Variants in ADGRV1 observed in about 807,000 individuals in gnomAD.
ADGRV1 encodes the protein G-protein coupled receptor 98.
Under a neutral mutation model 596.2 loss-of-function variants are expected in ADGRV1, and 359 were observed. That is an observed-to-expected ratio of 0.60 (90% CI 0.55 to 0.66). The LOEUF is 0.66. Ranked by LOEUF, ADGRV1 falls within the 30% of genes least tolerant of loss-of-function variation. The pLI is 0.00. For missense variants in ADGRV1, 7,274 were observed against 7,575.6 expected (o/e 0.96, Z 1.48); for synonymous variants, 2,681 against 2,679.2 (o/e 1.00, Z -0.02).
rs200119556 is a variant in ADGRV1, at chr5:90,704,363, G to A, written c.8287-26G>A. On this transcript the variant is annotated intron_variant, in intron 35 of 89. Coordinates refer to ENST00000405460, the MANE Select transcript of ADGRV1 (RefSeq NM_032119.4). ...AGTTCATATTCAATAACGACAGCGG[G>A]ATTGATTTCTTTCTGTATGACATAG... The A allele has an allele frequency of 7.4e-6, 10 of 1,358,062 alleles. No individual in the cohort carries two copies. The African/African-American group carries it at 1.0e-4, about 14-fold the overall frequency. 84.1% of individuals were successfully genotyped at this position (1,358,062 alleles called of 1,614,324 possible).
chr5:90,622,004 G>C (rs1199270077), intron 4 of ADGRV1, among the ~76,000 whole-genome samples: 2 of 152,128 alleles, frequency 1.3e-5, no homozygotes, highest in African/African-American at 4.8e-5. Context: ...CTGAGAGCTG[G>C]CAGCTGCTTC....
chr5:91,134,279 C>T (rs1283687812), intron 87 of ADGRV1, among the ~76,000 whole-genome samples: 1 of 151,998 alleles, frequency 6.6e-6, no homozygotes, highest in Non-Finnish European at 1.5e-5. Flanking sequence ...CCTCAACCTC[C>T]CACGCTCAAG....
At chr5:90,587,644 C>T (rs942237437) in intron 1 of ADGRV1, among the ~76,000 whole-genome samples, 3 of 151,082 alleles carry the variant, frequency 2.0e-5, no homozygotes, top group Admixed American at 2.0e-4. Context: ...GCAACCTCTG[C>T]CTCCCAGGTT....
chr5:90,981,084 A>G (rs1780040209), intron 84 of ADGRV1, among the ~76,000 whole-genome samples: 1 of 152,136 alleles, frequency 6.6e-6, no homozygotes, highest in African/African-American at 2.4e-5. Flanking sequence ...TCCTGATAAC[A>G]TGTACCCAAA....
chr5:90,617,971 CCTTATAAAAATTATAAGGAGGA>C lies in ADGRV1; in HGVS notation c.357+28_357+49del. 1 of 1,518,946 alleles carries C rather than the reference CCTTATAAAAATTATAAGGAGGA, an allele frequency of 6.6e-7. No homozygotes were observed. The highest frequency in any genetic ancestry group is 8.8e-7 in the Non-Finnish European group (1 of 1,131,108). The allele number at this position is 1,518,946 out of a possible 1,614,324, so 94.1% of individuals were successfully genotyped here. On this transcript the variant is annotated intron_variant, in intron 3 of 89. Coordinates refer to ENST00000405460, the MANE Select transcript of ADGRV1 (RefSeq NM_032119.4). ...CATTACAGGTAAGTCCGTGTTTCCT[CCTTATAAAAATTATAAGGAGGA>C]CTTATAAAACTTATAAAAATCTTTT...
intron 87 of ADGRV1, among the ~76,000 whole-genome samples, chr5:91,126,271 A>G (rs544242136): frequency 2.9e-4 from 44 of 152,350 alleles, no homozygotes; most frequent in African/African-American, 1.1e-3. Flanking sequence ...AATGTAGGGA[A>G]ATCTCTTTAG....
intron 1 of ADGRV1, among the ~76,000 whole-genome samples, chr5:90,596,785 AGAGGGAGAGGGAGACCATGGGGAGAGGGC>A (rs1760715146): frequency 1.3e-5 from 2 of 152,026 alleles, no homozygotes; most frequent in Non-Finnish European, 2.9e-5. Context: ...CCGTGGAAAG[AGAGGGAGAGGGAGACCATGGGGAGAGGGC>A]GAGGGCGAGG....
chr5:90,935,833 G>A (rs1403009109), intron 83 of ADGRV1, among the ~76,000 whole-genome samples: 2 of 152,076 alleles, frequency 1.3e-5, no homozygotes, highest in Non-Finnish European at 2.9e-5. Flanking sequence ...AGTTTTTCCA[G>A]CCCAGGCAGT....
rs966628338 is a variant in ADGRV1, at chr5:90,681,990, C to G, written c.5664+536C>G. ...CAAGCGATTCTCCTGCTTCAGCCTT[C>G]CAAGTAGCTGGGATTACAGGCATGC... On this transcript the variant is annotated intron_variant, in intron 27 of 89. Transcript: ENST00000405460. Among the ~76,000 whole-genome samples, 4 of 152,030 alleles carry G rather than the reference C, an allele frequency of 2.6e-5. No individual in the cohort carries two copies. The East Asian group carries it at 7.7e-4, about 29-fold the overall frequency.
At chr5:90,735,574 C>T (rs1339412860) in intron 50 of ADGRV1, among the ~76,000 whole-genome samples, 1 of 152,026 alleles carries the variant, frequency 6.6e-6, no homozygotes, top group Non-Finnish European at 1.5e-5. Context: ...TTGATAAGGA[C>T]TGCATTGAAT....
At chr5:91,135,721 G>A (rs1794573203) in intron 87 of ADGRV1, among the ~76,000 whole-genome samples, 1 of 152,116 alleles carries the variant, frequency 6.6e-6, no homozygotes, top group Non-Finnish European at 1.5e-5. Flanking sequence ...GCTATTTGCA[G>A]GGCACCATGC....
intron 7 of ADGRV1, 25 bp downstream of exon 7, chr5:90,627,801 C>G (rs775823967): frequency 7.7e-7 from 1 of 1,304,906 alleles, no homozygotes. Context: ...AAATATATTG[C>G]TACCATTATT....
chr5:91,128,923 T>C (rs1368500979), intron 87 of ADGRV1, among the ~76,000 whole-genome samples: 1 of 152,050 alleles, frequency 6.6e-6, no homozygotes, highest in Non-Finnish European at 1.5e-5. Context: ...GTTGGAAAAA[T>C]GAAACAGTAC....
At position 90,753,671 on chromosome 5, in the gene ADGRV1, C is replaced by G. The variant is rs1283823336; in HGVS notation, c.11219C>G (p.Thr3740Ser). The change falls in exon 54 of 90, where the codon ACC (threonine) becomes AGC (serine). Residue 3740 changes from threonine to serine, a missense_variant. Thr to Ser is a moderately conservative substitution (Grantham distance 58, BLOSUM62 1). Around this residue, in one of 5 missense-constraint regions of ADGRV1, gnomAD observed 3,643 missense variants for 3,809.2 expected, o/e 0.96. Transcript: ENST00000405460. ...ELSEVVIVTL[T>S]RITTEGVEDS... Reference sequence around the variant, plus strand: ...TCAGAGGTTGTGATTGTAACCCTCACCCGTATCACCACAGAAGGGGTTGAG... The same window carrying G: ...TCAGAGGTTGTGATTGTAACCCTCAGCCGTATCACCACAGAAGGGGTTGAG... The G allele has an allele frequency of 6.2e-7, 1 of 1,613,616 alleles. No homozygotes were observed. The highest frequency in any genetic ancestry group is 1.7e-5 in the Admixed American group (1 of 59,980).
At chr5:90,677,900 C>CT (rs1423718358) in intron 25 of ADGRV1, among the ~76,000 whole-genome samples, 2 of 152,156 alleles carry the variant, frequency 1.3e-5, no homozygotes, top group Non-Finnish European at 2.9e-5. Flanking sequence ...GCTTATAGAG[C>CT]TTAATTCTTT....
At chr5:90,559,671 T>C (rs1580262299) in intron 1 of ADGRV1, among the ~76,000 whole-genome samples, 3 of 152,266 alleles carry the variant, frequency 2.0e-5, no homozygotes, top group Middle Eastern at 6.8e-3. Flanking sequence ...GTGTAATGTA[T>C]TTACTAGTAT....
At chr5:91,064,439 A>T (rs549424003) in intron 85 of ADGRV1, among the ~76,000 whole-genome samples, 1 of 152,276 alleles carries the variant, frequency 6.6e-6, no homozygotes, top group African/African-American at 2.4e-5. Flanking sequence ...GCATGTGAGG[A>T]TTGGGTTTCA....
intron 87 of ADGRV1, among the ~76,000 whole-genome samples, chr5:91,128,910 A>T (rs1793982187): frequency 6.6e-6 from 1 of 152,212 alleles, no homozygotes; most frequent in South Asian, 2.1e-4. Flanking sequence ...AAGATTCTTT[A>T]ATGTTGGAAA....
At chr5:90,713,058 A>G (rs774500349) in intron 42 of ADGRV1, among the ~76,000 whole-genome samples, 17 of 152,140 alleles carry the variant, frequency 1.1e-4, no homozygotes, top group Non-Finnish European at 2.1e-4. Context: ...AGGGCTCTTA[A>G]AAAGTCACTT....
Sources: gnomAD v4.1 joint callset for allele counts (sites outside exome capture counted in the v4.1 genomes callset) on GRCh38, gnomAD v4.1.1 for gene constraint, gnomAD v4.1.1 regional missense constraint, MANE v1.5 for transcripts, NCBI Gene and HGNC (gene_info 2026-07-23, HGNC 2026-07-21) for gene names.